CDKL5: variants seen among roughly 807,000 people sequenced by gnomAD.
CDKL5 encodes cyclin-dependent kinase-like 5.
In CDKL5, 8 loss-of-function variants were observed where a neutral mutation model predicts 61.7. That is an observed-to-expected ratio of 0.13 (90% CI 0.08 to 0.23). The LOEUF (loss-of-function observed/expected upper bound fraction) is 0.23. Among genes scored for constraint, CDKL5 ranks in the 10% least tolerant of loss-of-function variants. CDKL5 has a pLI of 1.00. For synonymous variants in CDKL5, 275 were observed against 272.3 expected, an observed-to-expected ratio of 1.01 and a Z score of -0.10; for missense variants, 440 against 734.5, an observed-to-expected ratio of 0.60 and a Z score of 4.63.
chrX:18,488,698 G>A (rs1029212771), intron 1 of CDKL5, among the ~76,000 whole-genome samples: 4 of 111,758 alleles, frequency 3.6e-5, no homozygotes, highest in African/African-American at 1.3e-4. Flanking sequence ...TGAACACACT[G>A]TAAAGCAAAA....
intron 1 of CDKL5, among the ~76,000 whole-genome samples, chrX:18,429,338 C>G (rs1240785932): frequency 9.0e-6 from 1 of 111,409 alleles, no homozygotes; most frequent in Non-Finnish European, 1.9e-5. Context: ...TGTGGTCTCT[C>G]TTTTGGGCAG....
intron 3 of CDKL5, among the ~76,000 whole-genome samples, chrX:18,551,947 C>A (rs757649357): frequency 1.2e-4 from 13 of 109,457 alleles, no homozygotes; most frequent in Non-Finnish European, 2.3e-4. Context: ...GGGAATCTGT[C>A]CTTAAAAAAA....
intron 5 of CDKL5, 61 bp downstream of exon 5, chrX:18,575,551 A>G: frequency 1.9e-6 from 2 of 1,067,162 alleles, no homozygotes; most frequent in Non-Finnish European, 2.6e-6. Context: ...GCTGTTTCTG[A>G]CATTATTTAA....
At chrX:18,572,384 G>A (rs974436710) in intron 4 of CDKL5, among the ~76,000 whole-genome samples, 2 of 111,891 alleles carry the variant, frequency 1.8e-5, no homozygotes, top group Admixed American at 1.9e-4. Context: ...TTTTTCATTT[G>A]CATTTCCAGT....
intron 3 of CDKL5, among the ~76,000 whole-genome samples, chrX:18,547,455 A>G (rs1924238155): frequency 1.8e-5 from 2 of 112,316 alleles, no homozygotes; most frequent in African/African-American, 6.5e-5. Flanking sequence ...CTTTTAGAGA[A>G]TATTATTTAA....
intron 1 of CDKL5, among the ~76,000 whole-genome samples, chrX:18,484,953 C>T (rs1921735989): frequency 9.0e-6 from 1 of 110,555 alleles, no homozygotes; most frequent in Non-Finnish European, 1.9e-5. Flanking sequence ...GAGCCAGGGT[C>T]TCGCCATGTT....
At chrX:18,536,681 G>A (rs1923850531) in intron 3 of CDKL5, among the ~76,000 whole-genome samples, 1 of 109,103 alleles carries the variant, frequency 9.2e-6, no homozygotes, top group Non-Finnish European at 1.9e-5. Flanking sequence ...TTTGACCTCA[G>A]GTGATCTGCC....
In CDKL5 at chrX:18,629,452, A is replaced by G; in HGVS notation, c.*695A>G. 3.8e-6 allele frequency: 2 copies of G among 526,568 alleles called. No homozygotes were observed. The highest frequency in any genetic ancestry group is 9.2e-5 in the Admixed American group (1 of 10,850). 43.4% of individuals were successfully genotyped at this position (526,568 alleles called of 1,213,427 possible). On this transcript the variant is annotated 3_prime_UTR_variant, in exon 18 of 18. Coordinates refer to ENST00000623535, the MANE Select transcript of CDKL5 (RefSeq NM_001323289.2). The stretch of plus-strand genomic sequence containing the variant: ...TTGCATCAGGAGTATTTTATTCTAT[A>G]TATAATATATATATATGGTAAATAT...
chrX:18,628,302 C>T lies in CDKL5; in HGVS notation c.2497-69C>T, dbSNP rs186697905. The T allele has an allele frequency of 8.1e-6, 9 of 1,106,122 alleles. No individual in the cohort carries two copies. The African/African-American group carries it at 1.6e-4, about 20-fold the overall frequency. The allele number at this position is 1,106,122 out of a possible 1,213,427, so 91.2% of individuals were successfully genotyped here. A position where few individuals can be genotyped will look rare whatever the true frequency, so the allele number is the denominator to read the frequency against. Reference sequence around the variant, plus strand: ...ACACCCAGTCACCTCACCTCTAAGCCCCCTTCCCTCCCCAGCCTTATGGTC... The same window carrying T: ...ACACCCAGTCACCTCACCTCTAAGCTCCCTTCCCTCCCCAGCCTTATGGTC... On this transcript the variant is annotated intron_variant, in intron 17 of 17. Coordinates refer to ENST00000623535, the MANE Select transcript of CDKL5 (RefSeq NM_001323289.2).
chrX:18,477,248 G>T (rs1921352762), intron 1 of CDKL5, among the ~76,000 whole-genome samples: 1 of 110,240 alleles, frequency 9.1e-6, no homozygotes, highest in South Asian at 3.8e-4. Flanking sequence ...TGTATTTTTA[G>T]TAGAGATGGT....
At chrX:18,610,340 T>G (rs966599261) in intron 14 of CDKL5, among the ~76,000 whole-genome samples, 1 of 112,598 alleles carries the variant, frequency 8.9e-6, no homozygotes, top group African/African-American at 3.2e-5. Flanking sequence ...TCCCTTTCTT[T>G]AAGGTCCTCT....
chrX:18,486,171 A>AT (rs772092210), intron 1 of CDKL5, among the ~76,000 whole-genome samples: 28 of 111,377 alleles, frequency 2.5e-4, no homozygotes, highest in Non-Finnish European at 4.1e-4. Context: ...TTTTTTGCCT[A>AT]TATTTTTGCA....
intron 1 of CDKL5, among the ~76,000 whole-genome samples, chrX:18,449,317 G>C (rs748255661): frequency 2.7e-5 from 3 of 112,316 alleles, no homozygotes; most frequent in African/African-American, 9.7e-5. Flanking sequence ...TTTGGTGTGG[G>C]AGGAAAGGTA....
At chrX:18,489,816 T>C (rs1921927320) in intron 1 of CDKL5, among the ~76,000 whole-genome samples, 1 of 110,146 alleles carries the variant, frequency 9.1e-6, no homozygotes, top group African/African-American at 3.3e-5. Context: ...TTTGGGAGGC[T>C]GAGGCGGGAG....
intron 1 of CDKL5, among the ~76,000 whole-genome samples, chrX:18,484,380 C>T (rs1921709124): frequency 1.8e-5 from 2 of 110,140 alleles, no homozygotes; most frequent in Non-Finnish European, 3.8e-5. Context: ...AGTGGTGGCG[C>T]GATCTCGGCT....
chrX:18,612,670 AG>A (rs1283521417), intron 14 of CDKL5, among the ~76,000 whole-genome samples: 11 of 106,100 alleles, frequency 1.0e-4, no homozygotes, highest in Non-Finnish European at 1.9e-5. Context: ...AAAAAAAAAG[AG>A]AGAGAGAAAA....
intron 3 of CDKL5, among the ~76,000 whole-genome samples, chrX:18,519,680 A>C: frequency 9.0e-6 from 1 of 111,609 alleles, no homozygotes; most frequent in Non-Finnish European, 1.9e-5. Context: ...ACTGGCCTGC[A>C]TAGTACCCTT....
chrX:18,598,316 C>CTT, intron 10 of CDKL5, 146 bp from the exon 11 acceptor site: 3 of 378,484 alleles, frequency 7.9e-6, no homozygotes, highest in Non-Finnish European at 9.2e-6. Context: ...TTTAGATAGT[C>CTT]TTTTTTTTTT....
chrX:18,577,288 A>G lies in CDKL5; in HGVS notation c.282+1798A>G, dbSNP rs1384765012. On this transcript the variant is annotated intron_variant, in intron 5 of 17. Transcript: ENST00000623535. ...TGTGTCTGAGATCTCCCTGCTGGTA[A>G]ATGGCTGAGCTGCTACTAGAACTCC... is the stretch of plus-strand genomic sequence containing the variant. Among the ~76,000 whole-genome samples, 3 of 111,102 alleles carry G rather than the reference A, an allele frequency of 2.7e-5. No homozygotes were observed. The East Asian group carries it at 8.5e-4, about 32-fold the overall frequency.
Sources: allele counts gnomAD v4.1 joint callset (sites outside exome capture counted in the v4.1 genomes callset), GRCh38; gene constraint gnomAD v4.1.1; transcripts MANE v1.5; gene names NCBI Gene and HGNC (gene_info 2026-07-23, HGNC 2026-07-21).